Variants in MSRA observed in about 807,000 individuals in gnomAD.
The protein encoded by MSRA is methionine sulfoxide reductase A.
A neutral mutation model predicts 31.3 loss-of-function variants in MSRA; 54 were observed. That is an observed-to-expected ratio of 1.73 (90% CI 1.39 to 2.17). The LOEUF is 2.17. MSRA is among the 30% of genes most tolerant of loss of function. MSRA has a pLI of 0.00. For synonymous variants in MSRA, 169 were observed against 116.5 expected, an observed-to-expected ratio of 1.45 and a Z score of -2.90; for missense variants, 507 against 300.9, an observed-to-expected ratio of 1.69 and a Z score of -5.07.
intron 3 of MSRA, among the ~76,000 whole-genome samples, chr8:10,294,776 T>G (rs1329561169): frequency 1.3e-5 from 2 of 152,006 alleles, no homozygotes; most frequent in Non-Finnish European, 2.9e-5. Flanking sequence ...TGGGCTGTTT[T>G]CTGAGGAACC....
intron 5 of MSRA, among the ~76,000 whole-genome samples, chr8:10,333,100 A>G (rs1802801168): frequency 6.6e-6 from 1 of 152,138 alleles, no homozygotes; most frequent in Non-Finnish European, 1.5e-5. Flanking sequence ...TTTTGATTTT[A>G]GTAGAAGTAC....
chr8:10,425,740 TCA>T (rs1371374225), intron 5 of MSRA, among the ~76,000 whole-genome samples: 1 of 152,240 alleles, frequency 6.6e-6, no homozygotes, highest in African/African-American at 2.4e-5. Context: ...CTGAGGACGA[TCA>T]CACCTGTGGG....
chr8:10,261,700 A>G (rs779380749), intron 3 of MSRA, among the ~76,000 whole-genome samples: 2 of 152,218 alleles, frequency 1.3e-5, no homozygotes, highest in African/African-American at 2.4e-5. Context: ...TGATGGGCCA[A>G]TACTGATATG....
chr8:10,237,591 A>G (rs933878751), intron 2 of MSRA, among the ~76,000 whole-genome samples: 3 of 152,240 alleles, frequency 2.0e-5, no homozygotes, highest in African/African-American at 7.2e-5. Context: ...TTGAAGAAGT[A>G]TAAGGTAAGA....
chr8:10,183,546 G>C (rs1806734328), intron 1 of MSRA, among the ~76,000 whole-genome samples: 1 of 152,106 alleles, frequency 6.6e-6, no homozygotes, highest in Admixed American at 6.5e-5. Flanking sequence ...TGGCGGTCAA[G>C]GCAAAAATGG....
chr8:10,186,727 A>G (rs202113700), intron 1 of MSRA, among the ~76,000 whole-genome samples: 1 of 152,244 alleles, frequency 6.6e-6, no homozygotes, highest in South Asian at 2.1e-4. Flanking sequence ...AGTGGCTGTG[A>G]TGGGTGGGGC....
chr8:10,161,956 C>T (rs554734483), intron 1 of MSRA, among the ~76,000 whole-genome samples: 1 of 152,286 alleles, frequency 6.6e-6, no homozygotes, highest in South Asian at 2.1e-4. Flanking sequence ...GGTCTGAATA[C>T]AAGAGCGCAC....
At chr8:10,292,577 A>AGGT (rs1800300742) in intron 3 of MSRA, among the ~76,000 whole-genome samples, 1 of 152,092 alleles carries the variant, frequency 6.6e-6, no homozygotes, top group Non-Finnish European at 1.5e-5. Context: ...ACCCCAGGGG[A>AGGT]GGTGACTCAG....
At chr8:10,400,655 T>A (rs1295107898) in intron 5 of MSRA, among the ~76,000 whole-genome samples, 1 of 152,048 alleles carries the variant, frequency 6.6e-6, no homozygotes, top group Non-Finnish European at 1.5e-5. Flanking sequence ...GCTGAGGTGG[T>A]GGCAGGAGGA....
intron 5 of MSRA, among the ~76,000 whole-genome samples, chr8:10,395,280 G>T (rs555922027): frequency 6.6e-6 from 1 of 152,148 alleles, no homozygotes; most frequent in East Asian, 1.9e-4. Context: ...CATTGCAAAG[G>T]GCTGCAGTGG....
chr8:10,066,034 C>A (rs1288704289), intron 1 of MSRA, among the ~76,000 whole-genome samples: 1 of 150,134 alleles, frequency 6.7e-6, no homozygotes, highest in African/African-American at 2.4e-5. Context: ...TATATAATAA[C>A]TTTTTTGAGA....
intron 5 of MSRA, among the ~76,000 whole-genome samples, chr8:10,400,378 T>TGTGTGTGTA (rs58129201): frequency 0.37 from 40,840 of 109,848 alleles, 6,398 homozygotes; most frequent in Non-Finnish European, 0.55. Flanking sequence ...TGTGTGTGTG[T>TGTGTGTGTA]GTGTGTAGTG....
At chr8:10,227,306 A>T (rs866584295) in intron 2 of MSRA, among the ~76,000 whole-genome samples, 6 of 152,302 alleles carry the variant, frequency 3.9e-5, no homozygotes, top group Middle Eastern at 3.4e-3. Flanking sequence ...AGAGAATTAG[A>T]GTGAAGGAAG....
chr8:10,183,778 G>T (rs1008604607), intron 1 of MSRA, among the ~76,000 whole-genome samples: 1 of 146,958 alleles, frequency 6.8e-6, no homozygotes, highest in Non-Finnish European at 1.5e-5. Flanking sequence ...TGAGCTGGTG[G>T]TGGTGGTGGT....
In MSRA at chr8:10,276,350, C is replaced by T. The variant is rs575189462; in HGVS notation, c.332-25184C>T. On this transcript the variant is annotated intron_variant, in intron 3 of 5. Transcript: ENST00000317173. ...GGGCTGCCTTGTAATTGTTACAGGG[C>T]CCTTTCAGTTTCTTGCAATTTCCTT... is the stretch of plus-strand genomic sequence containing the variant. Among the ~76,000 whole-genome samples the T allele has an allele frequency of 2.0e-5, 3 of 152,232 alleles. No individual in the cohort carries two copies. In the South Asian group the frequency reaches 6.3e-4, roughly 32 times the overall value.
intron 2 of MSRA, among the ~76,000 whole-genome samples, chr8:10,213,044 A>G (rs1266682084): frequency 6.6e-6 from 1 of 152,158 alleles, no homozygotes; most frequent in Non-Finnish European, 1.5e-5. Context: ...CAAACAATCC[A>G]ATTATACTCT....
At chr8:10,388,798 G>T (rs1002760663) in intron 5 of MSRA, among the ~76,000 whole-genome samples, 1 of 151,854 alleles carries the variant, frequency 6.6e-6, no homozygotes, top group South Asian at 2.1e-4. Flanking sequence ...ACGCATGATG[G>T]GATGTTGACC....
At chr8:10,251,189 T>C (rs536015706) in intron 3 of MSRA, among the ~76,000 whole-genome samples, 116 of 151,404 alleles carry the variant, frequency 7.7e-4, no homozygotes, top group African/African-American at 2.8e-3. Context: ...TCCCCACTAA[T>C]GTAAGACAAC....
At chr8:10,286,008 G>A (rs1293455148) in intron 3 of MSRA, among the ~76,000 whole-genome samples, 2 of 152,132 alleles carry the variant, frequency 1.3e-5, no homozygotes, top group Non-Finnish European at 2.9e-5. Context: ...CTCAGCTGGA[G>A]GGAGCTTCTT....
Sources: allele counts gnomAD v4.1 joint callset (sites outside exome capture counted in the v4.1 genomes callset), GRCh38; gene constraint gnomAD v4.1.1; transcripts MANE v1.5; gene names NCBI Gene and HGNC (gene_info 2026-07-23, HGNC 2026-07-21).